Variants in ABCB5 observed in about 807,000 individuals in gnomAD.
The protein encoded by ABCB5 is ATP-binding cassette sub-family B member 5.
Under a neutral mutation model 144.2 loss-of-function variants are expected in ABCB5, and 155 were observed. That is an observed-to-expected ratio of 1.08 (90% CI 0.94 to 1.23). The LOEUF (loss-of-function observed/expected upper bound fraction) is 1.23, where lower values mean the gene tolerates loss of function less well. Ranked by LOEUF, ABCB5 falls within the 50% of genes most tolerant of loss-of-function variation. ABCB5 has a pLI of 0.00. For synonymous variants in ABCB5, 610 were observed against 528.6 expected, an observed-to-expected ratio of 1.15 and a Z score of -2.11; for missense variants, 1,830 against 1,520.8, an observed-to-expected ratio of 1.20 and a Z score of -3.38.
chr7:20,756,879 T>A lies in ABCB5; in HGVS notation c.*1255T>A, dbSNP rs1290601425. 6.6e-6 allele frequency: 1 copy of A among 152,376 alleles called. No individual in the cohort carries two copies. 9.4% of individuals were successfully genotyped at this position (152,376 alleles called of 1,614,324 possible). A position where few individuals can be genotyped will look rare whatever the true frequency, so the allele number is the denominator to read the frequency against. ...ATTCTTCAGTGTATTTTCTTCCATT[T>A]ACACATTTAGCTAGCCTCCCTAAAG... On this transcript the variant is annotated 3_prime_UTR_variant, in exon 28 of 28. Coordinates refer to ENST00000404938, the MANE Select transcript of ABCB5 (RefSeq NM_001163941.2).
At chr7:20,687,241 G>T (rs1054741324) in intron 16 of ABCB5, among the ~76,000 whole-genome samples, 4 of 152,048 alleles carry the variant, frequency 2.6e-5, no homozygotes, top group Admixed American at 2.6e-4. Flanking sequence ...CTGCCTCTAG[G>T]TCTAAAAATT....
At chr7:20,695,545 A>G (rs1786383391) in intron 16 of ABCB5, among the ~76,000 whole-genome samples, 1 of 152,036 alleles carries the variant, frequency 6.6e-6, no homozygotes, top group Non-Finnish European at 1.5e-5. Flanking sequence ...TGCATAATTT[A>G]TAAACAAAAA....
At chr7:20,717,103 G>A (rs946502710) in intron 20 of ABCB5, among the ~76,000 whole-genome samples, 1 of 152,098 alleles carries the variant, frequency 6.6e-6, no homozygotes, top group Non-Finnish European at 1.5e-5. Flanking sequence ...GGAAAGACAT[G>A]GAAGGCCTCC....
At chr7:20,644,237 C>G (rs922274912) in intron 7 of ABCB5, among the ~76,000 whole-genome samples, 8 of 152,018 alleles carry the variant, frequency 5.3e-5, no homozygotes, top group Non-Finnish European at 1.0e-4. Flanking sequence ...GGCAACCACG[C>G]CCAGCTAACT....
intron 26 of ABCB5, among the ~76,000 whole-genome samples, chr7:20,746,937 G>A (rs1036206021): frequency 6.6e-6 from 1 of 152,020 alleles, no homozygotes; most frequent in African/African-American, 2.4e-5. Flanking sequence ...TAATAATCTA[G>A]AGCCCTGTTC....
intron 3 of ABCB5, 122 bp from the exon 4 acceptor site, chr7:20,628,566 C>A: frequency 1.1e-6 from 1 of 918,804 alleles, no homozygotes. Flanking sequence ...TATTTACCAT[C>A]TTAATGTATA....
intron 21 of ABCB5, 138 bp downstream of exon 21, chr7:20,723,357 T>A: frequency 1.1e-6 from 1 of 911,950 alleles, no homozygotes; most frequent in Non-Finnish European, 1.6e-6. Context: ...TAAAGTGATA[T>A]GTATAGAGAG....
chr7:20,702,513 T>C (rs1786662232), intron 19 of ABCB5, among the ~76,000 whole-genome samples: 1 of 152,172 alleles, frequency 6.6e-6, no homozygotes, highest in Non-Finnish European at 1.5e-5. Flanking sequence ...TTAAATAATC[T>C]GTACAACAAA....
At chr7:20,685,643 C>A in intron 15 of ABCB5, 53 bp from the exon 16 acceptor site, 1 of 1,480,102 alleles carries the variant, frequency 6.8e-7, no homozygotes. Context: ...AATAAGTTTC[C>A]TTGAATTTTT....
intron 26 of ABCB5, among the ~76,000 whole-genome samples, chr7:20,749,325 T>C (rs1038740062): frequency 1.3e-5 from 2 of 149,316 alleles, no homozygotes; most frequent in Non-Finnish European, 3.0e-5. Context: ...CCTCCTGGGC[T>C]CAAGTGTTCC....
intron 25 of ABCB5, among the ~76,000 whole-genome samples, chr7:20,744,378 C>T (rs1368675109): frequency 6.6e-6 from 1 of 152,070 alleles, no homozygotes; most frequent in Admixed American, 6.6e-5. Context: ...TTTGCTATTG[C>T]CCTGACCAGA....
chr7:20,647,186 C>T (rs1784430630), intron 9 of ABCB5: 6 of 671,026 alleles, frequency 8.9e-6, no homozygotes, highest in Non-Finnish European at 1.1e-5. Context: ...GAGGGGAGTG[C>T]AACTCACCAT....
At chr7:20,618,735 G>A (rs1783741577) in intron 1 of ABCB5, among the ~76,000 whole-genome samples, 2 of 129,168 alleles carry the variant, frequency 1.5e-5, no homozygotes, top group African/African-American at 5.8e-5. Flanking sequence ...TGCTACAAAA[G>A]ATTTCATGGC....
In ABCB5 at chr7:20,623,349, A is replaced by G. The variant is rs1298366321; in HGVS notation, c.53+11A>G. On this transcript the variant is annotated intron_variant, in intron 2 of 27. Transcript: ENST00000404938. ...TTATCAGAGAAATGGGTAAGCTCTC[A>G]CTAAGTTCTGTAAGTATGCTTCCAC... The G allele has an allele frequency of 6.5e-7, 1 of 1,544,482 alleles. No homozygotes were observed. Among genetic ancestry groups the G allele is most frequent in the Non-Finnish European group, 8.8e-7 (1 of 1,140,096 alleles).
At position 20,643,478 on chromosome 7, in the gene ABCB5, G is replaced by C. The variant is rs753883618; in HGVS notation, c.524G>C (p.Ser175Thr). ...TGTTTCAGTGACATTGACAAAATCA[G>C]TGATGGTATTGGAGATAAGATTGCT... The part of the protein sequence containing the change: ...TRMTDDIDKI[S>T]DGIGDKIALL... The change falls in exon 7 of 28, where the codon AGT becomes ACT. Residue 175 changes from serine (S) to threonine (T), a missense_variant. Physicochemically the swap from Ser to Thr is moderately conservative, Grantham distance 58. Coordinates refer to ENST00000404938, the MANE Select transcript of ABCB5 (RefSeq NM_001163941.2). 1.2e-6 allele frequency: 2 copies of C among 1,614,012 alleles called. No individual in the cohort carries two copies. Among genetic ancestry groups the C allele is most frequent in the Non-Finnish European group, 8.5e-7 (1 of 1,179,884 alleles).
At chr7:20,744,437 G>T (rs573386660) in intron 25 of ABCB5, among the ~76,000 whole-genome samples, 1 of 151,954 alleles carries the variant, frequency 6.6e-6, no homozygotes, top group African/African-American at 2.4e-5. Flanking sequence ...TAGTCTGAAC[G>T]TCCTTTCCTT....
At position 20,650,003 on chromosome 7, in the gene ABCB5, C is replaced by A. The variant is rs540612696; in HGVS notation, c.1207-19C>A. The A allele has an allele frequency of 1.2e-6, 2 of 1,600,206 alleles. No homozygotes were observed. Among genetic ancestry groups the A allele is most frequent in the African/African-American group, 2.7e-5 (2 of 74,750 alleles). On this transcript the variant is annotated intron_variant, in intron 11 of 27. Coordinates refer to ENST00000404938, the MANE Select transcript of ABCB5 (RefSeq NM_001163941.2). ...TTCTTATTGTGGTTTTATGATTTTC[C>A]CTCCATACATTCCAATAGATTCTGA...
chr7:20,691,547 T>A (rs941396534), intron 16 of ABCB5, among the ~76,000 whole-genome samples: 15 of 151,798 alleles, frequency 9.9e-5, no homozygotes, highest in Non-Finnish European at 1.6e-4. Flanking sequence ...AAAGTTCTTA[T>A]TAAACTAACT....
intron 14 of ABCB5, among the ~76,000 whole-genome samples, chr7:20,679,991 A>C (rs753690316): frequency 7.2e-5 from 11 of 152,202 alleles, no homozygotes; most frequent in Non-Finnish European, 1.3e-4. Context: ...GGAAAAAAAA[A>C]CTTAAAAACT....
Sources: gnomAD v4.1 joint callset for allele counts (sites outside exome capture counted in the v4.1 genomes callset) on GRCh38, gnomAD v4.1.1 for gene constraint, MANE v1.5 for transcripts, NCBI Gene and HGNC (gene_info 2026-07-23, HGNC 2026-07-21) for gene names.